MBD5: variants seen among roughly 807,000 people sequenced by gnomAD.
The protein encoded by MBD5 is methyl-CpG-binding domain protein 5.
A neutral mutation model predicts 117.3 loss-of-function variants in MBD5; 13 were observed. That is an observed-to-expected ratio of 0.11 (90% CI 0.07 to 0.18). MBD5 has a LOEUF of 0.18. Among genes scored for constraint, MBD5 ranks in the 10% least tolerant of loss-of-function variants. The pLI is 1.00. For synonymous variants in MBD5, 727 were observed against 766.4 expected, an observed-to-expected ratio of 0.95 and a Z score of 0.85; for missense variants, 1,879 against 2,093.8, an observed-to-expected ratio of 0.90 and a Z score of 2.00.
chr2:148,407,743 A>AGGG (rs1477917871), intron 4 of MBD5, among the ~76,000 whole-genome samples: 3 of 152,104 alleles, frequency 2.0e-5, no homozygotes, highest in Non-Finnish European at 4.4e-5. Flanking sequence ...AGTTTATTTG[A>AGGG]GGGTTTCAGG....
chr2:148,463,459 G>T (rs1035131580), intron 6 of MBD5, among the ~76,000 whole-genome samples: 1 of 152,028 alleles, frequency 6.6e-6, no homozygotes, highest in Non-Finnish European at 1.5e-5. Flanking sequence ...ACATCAGGAG[G>T]TATCTAAAAT....
chr2:148,280,131 C>CCA (rs1701208711), intron 3 of MBD5, among the ~76,000 whole-genome samples: 1 of 91,886 alleles, frequency 1.1e-5, no homozygotes, highest in Admixed American at 1.3e-4. Context: ...AAACTAACTG[C>CCA]AAAAAAAAAA....
rs1354346236 is a variant in MBD5 at position 148,490,198 on chromosome 2, C to T, written c.4566C>T (p.His1522=). Residue 1522 remains histidine (H), a synonymous_variant, in exon 11 of 14, where the codon CAC becomes CAT. Coordinates refer to ENST00000642680, the MANE Select transcript of MBD5 (RefSeq NM_001378120.1). ...RLENTVERCA[H]INGNRPRQSR... The stretch of plus-strand genomic sequence containing the variant: ...AGAACACTGTGGAAAGATGTGCACA[C>T]ATAAATGGGAATAGACCTCGACAGA... 4 of 1,614,174 alleles carry T rather than the reference C, an allele frequency of 2.5e-6. No homozygotes were observed. The highest frequency in any genetic ancestry group is 3.4e-6 in the Non-Finnish European group (4 of 1,180,032).
chr2:148,458,986 G>T, intron 5 of MBD5, 115 bp downstream of exon 5: 1 of 850,258 alleles, frequency 1.2e-6, no homozygotes, highest in East Asian at 2.5e-5. Context: ...TGACCTTTGT[G>T]CTAGAAACAT....
At chr2:148,368,337 G>A (rs1703761613) in intron 4 of MBD5, among the ~76,000 whole-genome samples, 2 of 152,066 alleles carry the variant, frequency 1.3e-5, no homozygotes, top group South Asian at 4.1e-4. Context: ...GGGTTAGGGG[G>A]TATGGAAGGG....
chr2:148,417,288 CT>C (rs745409695), intron 4 of MBD5, among the ~76,000 whole-genome samples: 6,031 of 91,830 alleles, frequency 0.066, 190 homozygotes, highest in African/African-American at 0.17. Flanking sequence ...ATGCACAGCT[CT>C]TTTTTTTTTT....
chr2:148,024,683 C>T (rs1011355342), intron 1 of MBD5, among the ~76,000 whole-genome samples: 1 of 152,072 alleles, frequency 6.6e-6, no homozygotes, highest in African/African-American at 2.4e-5. Context: ...TAATTAACAG[C>T]CAAATTAAAT....
intron 1 of MBD5, among the ~76,000 whole-genome samples, chr2:148,046,197 C>T (rs994432230): frequency 1.1e-4 from 16 of 151,790 alleles, no homozygotes; most frequent in Admixed American, 3.9e-4. Flanking sequence ...TTGGCCAGGA[C>T]GGTTTTGATC....
intron 3 of MBD5, among the ~76,000 whole-genome samples, chr2:148,328,177 T>C (rs541567636): frequency 6.6e-6 from 1 of 152,360 alleles, no homozygotes; most frequent in African/African-American, 2.4e-5. Flanking sequence ...AGGGACCCAC[T>C]TGAGGAGGCA....
intron 2 of MBD5, among the ~76,000 whole-genome samples, chr2:148,191,253 A>G (rs377462532): frequency 3.9e-5 from 1 of 25,350 alleles, no homozygotes; most frequent in Non-Finnish European, 8.0e-5. Context: ...TGCACCAAGC[A>G]GACCTAATAG....
intron 1 of MBD5, among the ~76,000 whole-genome samples, chr2:148,050,771 C>T (rs967405476): frequency 6.6e-6 from 1 of 152,054 alleles, no homozygotes; most frequent in Middle Eastern, 3.2e-3. Flanking sequence ...GTACGTCTCT[C>T]CTTATATCAA....
intron 3 of MBD5, among the ~76,000 whole-genome samples, chr2:148,335,508 C>T (rs965637786): frequency 4.6e-5 from 7 of 152,124 alleles, no homozygotes; most frequent in African/African-American, 1.4e-4. Context: ...GGCTTGAACC[C>T]AGGAGTATGA....
At chr2:148,290,938 C>G (rs551039876) in intron 3 of MBD5, among the ~76,000 whole-genome samples, 2 of 152,264 alleles carry the variant, frequency 1.3e-5, no homozygotes, top group African/African-American at 4.8e-5. Context: ...CTGTCAGGCT[C>G]TTTTCCAAAA....
chr2:148,436,128 A>T (rs1438742914), intron 4 of MBD5, among the ~76,000 whole-genome samples: 2 of 152,298 alleles, frequency 1.3e-5, no homozygotes, highest in East Asian at 3.9e-4. Flanking sequence ...TGGATTTATG[A>T]TACCAAGCTG....
At chr2:148,104,426 T>C (rs146844379) in intron 1 of MBD5, among the ~76,000 whole-genome samples, 1 of 152,298 alleles carries the variant, frequency 6.6e-6, no homozygotes, top group East Asian at 1.9e-4. Context: ...TAAACCAGTG[T>C]CTTTATTATG....
intron 4 of MBD5, among the ~76,000 whole-genome samples, chr2:148,360,428 A>G (rs1051026848): frequency 6.6e-6 from 1 of 152,318 alleles, no homozygotes; most frequent in South Asian, 2.1e-4. Flanking sequence ...ACATTTTATT[A>G]AGTAAATAAT....
chr2:148,397,928 T>A (rs1158130772), intron 4 of MBD5, among the ~76,000 whole-genome samples: 1 of 152,122 alleles, frequency 6.6e-6, no homozygotes, highest in Non-Finnish European at 1.5e-5. Context: ...TTTGCGATAG[T>A]TTGCAGAGAA....
intron 4 of MBD5, among the ~76,000 whole-genome samples, chr2:148,450,790 C>A (rs1219195314): frequency 6.6e-6 from 1 of 152,154 alleles, no homozygotes; most frequent in Non-Finnish European, 1.5e-5. Context: ...AATTTTGTGG[C>A]AGCCTACCAC....
chr2:148,070,543 T>C (rs948499945), intron 1 of MBD5, among the ~76,000 whole-genome samples: 2 of 152,172 alleles, frequency 1.3e-5, no homozygotes, highest in African/African-American at 4.8e-5. Flanking sequence ...GAGAAATTGG[T>C]AGGATAGAGG....
Sources: gnomAD v4.1 joint callset for allele counts (sites outside exome capture counted in the v4.1 genomes callset) on GRCh38, gnomAD v4.1.1 for gene constraint, MANE v1.5 for transcripts, NCBI Gene and HGNC (gene_info 2026-07-23, HGNC 2026-07-21) for gene names.